MALRD1: variants seen among roughly 807,000 people sequenced by gnomAD.
MALRD1 encodes the protein MAM and LDL-receptor class A domain-containing protein 1.
In MALRD1, 247 loss-of-function variants were observed where a neutral mutation model predicts 242.1. The ratio of observed to expected loss-of-function variants is 1.02; its 90% confidence interval spans 0.92 to 1.13. The LOEUF (loss-of-function observed/expected upper bound fraction) is 1.13, where lower values mean the gene tolerates loss of function less well. Among genes scored for constraint, MALRD1 ranks in the 50% most tolerant of loss-of-function variants. The probability of loss-of-function intolerance (pLI) is 0.00; values close to 1 mark genes in which losing one functional copy is unlikely to be tolerated. For synonymous variants in MALRD1, 995 were observed against 866.6 expected (o/e 1.15, Z -2.60); for missense variants, 2,989 against 2,533.1 (o/e 1.18, Z -3.86).
chr10:19,729,502 C>T (rs1156705298), intron 38 of MALRD1, among the ~76,000 whole-genome samples: 1 of 150,608 alleles, frequency 6.6e-6, no homozygotes, highest in Non-Finnish European at 1.5e-5. Context: ...CTTCCATTCT[C>T]CATTGTGTGT....
chr10:19,073,335 T>G (rs983419528), intron 2 of MALRD1, among the ~76,000 whole-genome samples: 8 of 152,156 alleles, frequency 5.3e-5, no homozygotes, highest in African/African-American at 1.9e-4. Context: ...TTATTGTTAA[T>G]TTTAATGCAA....
At chr10:19,562,659 G>A (rs1836036170) in intron 32 of MALRD1, among the ~76,000 whole-genome samples, 1 of 152,080 alleles carries the variant, frequency 6.6e-6, no homozygotes, top group African/African-American at 2.4e-5. Flanking sequence ...CTAATGCAGG[G>A]GTATCCAAGC....
intron 4 of MALRD1, among the ~76,000 whole-genome samples, chr10:19,098,520 A>G (rs990934037): frequency 2.0e-5 from 3 of 152,318 alleles, no homozygotes; most frequent in South Asian, 2.1e-4. Context: ...TTTTAATTCA[A>G]TAATATTTAT....
intron 38 of MALRD1, among the ~76,000 whole-genome samples, chr10:19,703,773 T>C (rs1310949755): frequency 6.6e-6 from 1 of 152,098 alleles, no homozygotes; most frequent in Non-Finnish European, 1.5e-5. Context: ...CAGGTCCCTG[T>C]AATCCCAGCT....
chr10:19,144,834 G>A (rs1833675704), intron 10 of MALRD1, among the ~76,000 whole-genome samples: 1 of 152,022 alleles, frequency 6.6e-6, no homozygotes, highest in African/African-American at 2.4e-5. Context: ...AGAGTGTTAA[G>A]AATTAAGGTT....
At chr10:19,699,056 G>A (rs1833501084) in intron 38 of MALRD1, among the ~76,000 whole-genome samples, 1 of 152,048 alleles carries the variant, frequency 6.6e-6, no homozygotes, top group Non-Finnish European at 1.5e-5. Context: ...TGAGGGACAA[G>A]GGGAGGGAGA....
intron 36 of MALRD1, among the ~76,000 whole-genome samples, chr10:19,622,124 T>C (rs1380837935): frequency 5.9e-5 from 9 of 151,530 alleles, no homozygotes; most frequent in Non-Finnish European, 1.3e-4. Context: ...GTATAACCAC[T>C]AGTTTCACTG....
intron 18 of MALRD1, among the ~76,000 whole-genome samples, chr10:19,248,974 TATAA>T (rs1839182228): frequency 6.8e-6 from 1 of 147,148 alleles, no homozygotes; most frequent in Admixed American, 6.9e-5. Context: ...TATTTTGTAA[TATAA>T]ATATATGTTA....
chr10:19,693,344 A>G (rs1212184242), intron 38 of MALRD1, among the ~76,000 whole-genome samples: 2 of 152,044 alleles, frequency 1.3e-5, no homozygotes, highest in African/African-American at 2.4e-5. Flanking sequence ...TCAGCCCAAA[A>G]TCTCCTTAAG....
intron 21 of MALRD1, among the ~76,000 whole-genome samples, chr10:19,295,123 A>T (rs1472354383): frequency 1.3e-5 from 2 of 152,130 alleles, no homozygotes; most frequent in Non-Finnish European, 2.9e-5. Context: ...TCGTTGAACA[A>T]TGTATAGCTT....
At chr10:19,440,041 A>T (rs1222083580) in intron 28 of MALRD1, among the ~76,000 whole-genome samples, 6 of 152,110 alleles carry the variant, frequency 3.9e-5, no homozygotes, top group Non-Finnish European at 7.3e-5. Flanking sequence ...TACTCATCAC[A>T]CTTTAGGTGT....
At chr10:19,192,608 G>T (rs988634528) in intron 14 of MALRD1, among the ~76,000 whole-genome samples, 10 of 152,106 alleles carry the variant, frequency 6.6e-5, no homozygotes, top group African/African-American at 2.4e-4. Flanking sequence ...TCCAGATAGA[G>T]CCATCGTACC....
At chr10:19,436,282 G>A (rs977542202) in intron 28 of MALRD1, among the ~76,000 whole-genome samples, 10 of 152,122 alleles carry the variant, frequency 6.6e-5, no homozygotes, top group Non-Finnish European at 1.0e-4. Flanking sequence ...GTAGAGATCC[G>A]TGAATATACA....
intron 32 of MALRD1, among the ~76,000 whole-genome samples, chr10:19,566,158 TC>T (rs1415722326): frequency 3.3e-5 from 5 of 152,052 alleles, no homozygotes; most frequent in Non-Finnish European, 7.4e-5. Context: ...AGACACAGTC[TC>T]CCTCTGTTGC....
At chr10:19,630,289 A>G (rs1839847561) in intron 36 of MALRD1, among the ~76,000 whole-genome samples, 1 of 152,148 alleles carries the variant, frequency 6.6e-6, no homozygotes, top group Non-Finnish European at 1.5e-5. Flanking sequence ...TTGGTATTGA[A>G]TTCAAAAATA....
chr10:19,465,229 A>C (rs995113056), intron 29 of MALRD1, among the ~76,000 whole-genome samples: 1 of 152,072 alleles, frequency 6.6e-6, no homozygotes, highest in Non-Finnish European at 1.5e-5. Flanking sequence ...TGCTCTAGCT[A>C]GGGCTTCCAG....
intron 26 of MALRD1, among the ~76,000 whole-genome samples, chr10:19,378,158 T>C (rs557882807): frequency 5.9e-5 from 9 of 152,276 alleles, no homozygotes; most frequent in African/African-American, 1.9e-4. Context: ...TTATGCTATA[T>C]GAAAGCTACC....
At chr10:19,194,978 A>T (rs551957017) in intron 14 of MALRD1, among the ~76,000 whole-genome samples, 1 of 152,122 alleles carries the variant, frequency 6.6e-6, no homozygotes. Context: ...TACATTCACA[A>T]GTTTTAAATT....
At chr10:19,257,650 T>A in intron 18 of MALRD1, 34 bp from the exon 19 acceptor site, 1 of 1,413,780 alleles carries the variant, frequency 7.1e-7, no homozygotes, top group African/African-American at 1.4e-5. Flanking sequence ...CATAAACACA[T>A]TTCTTATTTT....
Sources: gnomAD v4.1 joint callset for allele counts (sites outside exome capture counted in the v4.1 genomes callset) on GRCh38, gnomAD v4.1.1 for gene constraint, MANE v1.5 for transcripts, NCBI Gene and HGNC (gene_info 2026-07-23, HGNC 2026-07-21) for gene names.